GRK5: variants seen among roughly 807,000 people sequenced by gnomAD.
GRK5 encodes the protein G protein-coupled receptor kinase 5, also known as g protein-coupled receptor kinase GRK5.
In GRK5, 40 loss-of-function variants were observed where a neutral mutation model predicts 78.4. The ratio of observed to expected loss-of-function variants is 0.51; its 90% confidence interval spans 0.40 to 0.66. The LOEUF is 0.66. Among genes scored for constraint, GRK5 ranks in the 30% least tolerant of loss-of-function variants. The pLI, the probability that GRK5 is intolerant of heterozygous loss-of-function variation, is 0.00. For missense variants in GRK5, 598 were observed against 759.9 expected (o/e 0.79, Z 2.50); for synonymous variants, 289 against 296.8 (o/e 0.97, Z 0.27).
At chr10:119,442,195 T>G in intron 11 of GRK5, 107 bp downstream of exon 11, 1 of 844,032 alleles carries the variant, frequency 1.2e-6, no homozygotes. Context: ...CTTCATGCAC[T>G]GCTGATCACA....
chr10:119,399,409 C>A (rs1377092702), intron 4 of GRK5, among the ~76,000 whole-genome samples: 1 of 152,218 alleles, frequency 6.6e-6, no homozygotes, highest in Non-Finnish European at 1.5e-5. Context: ...GTGACTGAGG[C>A]CCCAGCACTG....
In GRK5 at chr10:119,407,405, C is replaced by T. The variant is rs552687493; in HGVS notation, c.339+10633C>T. On this transcript the variant is annotated intron_variant, in intron 4 of 15. Coordinates refer to ENST00000392870, the MANE Select transcript of GRK5 (RefSeq NM_005308.3). ...TTTTCCTTCTCCCACTGGGGATGGC[C>T]GGCAGCTGGGTTTCAATTCCTCTGA... 2.0e-4 allele frequency among the ~76,000 whole-genome samples: 31 copies of T among 152,310 alleles called. No individual in the cohort carries two copies. The South Asian group carries it at 5.8e-3, about 29-fold the overall frequency.
At position 119,262,329 on chromosome 10, in the gene GRK5, G is replaced by T. The variant is rs905833691; in HGVS notation, c.52+54360G>T. 9.0e-4 allele frequency among the ~76,000 whole-genome samples: 61 copies of T among 67,548 alleles called. 1 individual carries two copies. Among genetic ancestry groups the T allele is most frequent in the African/African-American group, 3.0e-3 (55 of 18,358 alleles). The allele number at this position is 67,548 out of a possible 152,430, so 44.3% of individuals were successfully genotyped here. On this transcript the variant is annotated intron_variant, in intron 1 of 15. Coordinates refer to ENST00000392870, the MANE Select transcript of GRK5 (RefSeq NM_005308.3). ...TATATATGAATGTTTTTAACTTTGG[G>T]TTTTTTTTTTTTTTTTTTTTTTTTT... is the stretch of plus-strand genomic sequence containing the variant.
At chr10:119,227,031 G>A (rs868814864) in intron 1 of GRK5, among the ~76,000 whole-genome samples, 5 of 151,976 alleles carry the variant, frequency 3.3e-5, no homozygotes, top group Admixed American at 2.6e-4. Context: ...ACTAATTTTT[G>A]TATTTTTAGT....
rs149657541 is a variant in GRK5, at chr10:119,423,198, C to T, written c.372C>T (p.Asp124=). Reference sequence around the variant, plus strand: ...TTTTCATAGCCCAAGTTGGCCAAGACCTGGTCTCCCAGACGGAGGAGAAGC... The same window carrying T: ...TTTTCATAGCCCAAGTTGGCCAAGATCTGGTCTCCCAGACGGAGGAGAAGC... The part of the protein sequence containing the change: ...SPVFIAQVGQ[D]LVSQTEEKLL... Residue 124 remains aspartate, a synonymous_variant, in exon 5 of 16, where the codon GAC becomes GAT. Transcript: ENST00000392870. The T allele has an allele frequency of 5.0e-6, 8 of 1,614,006 alleles. No individual in the cohort carries two copies. The highest frequency in any genetic ancestry group is 6.8e-6 in the Non-Finnish European group (8 of 1,179,966).
At chr10:119,399,510 GTC>G (rs933275014) in intron 4 of GRK5, among the ~76,000 whole-genome samples, 2 of 152,186 alleles carry the variant, frequency 1.3e-5, no homozygotes, top group African/African-American at 4.8e-5. Context: ...TAGCTTGTGT[GTC>G]TCAGCTCTGA....
intron 2 of GRK5, chr10:119,330,301 A>G (rs1850749708): frequency 7.8e-6 from 1 of 128,662 alleles, no homozygotes; most frequent in African/African-American, 2.9e-5. Flanking sequence ...AGCAGATCTG[A>G]TGTCCTCATC....
rs567611101 is a variant in GRK5 at position 119,457,550 on chromosome 10, C to G, written c.*2483C>G. 1 of 152,268 alleles carries G rather than the reference C, an allele frequency of 6.6e-6. No individual in the cohort carries two copies. The highest frequency in any genetic ancestry group is 2.1e-4 in the South Asian group (1 of 4,820). The allele number at this position is 152,268 out of a possible 1,614,324, so 9.4% of individuals were successfully genotyped here. ...CTAAAGCCTCCTGTTCCTTCTGGCT[C>G]ATGCATTGCTTTGTGGTAAGAGAAA... On this transcript the variant is annotated 3_prime_UTR_variant, in exon 16 of 16. Coordinates refer to ENST00000392870, the MANE Select transcript of GRK5 (RefSeq NM_005308.3).
intron 1 of GRK5, among the ~76,000 whole-genome samples, chr10:119,300,368 C>T (rs1473560334): frequency 1.3e-5 from 2 of 152,200 alleles, no homozygotes; most frequent in African/African-American, 4.8e-5. Context: ...AATCTAAGGT[C>T]AACACTGCTA....
chr10:119,398,253 A>C (rs1852090472), intron 4 of GRK5, among the ~76,000 whole-genome samples: 1 of 152,198 alleles, frequency 6.6e-6, no homozygotes, highest in Non-Finnish European at 1.5e-5. Flanking sequence ...TCTCCTGGCC[A>C]CCACTCAAGA....
In GRK5 at chr10:119,308,982, G is replaced by C. The variant is rs567466605; in HGVS notation, c.53-17534G>C. On this transcript the variant is annotated intron_variant, in intron 1 of 15. Coordinates refer to ENST00000392870, the MANE Select transcript of GRK5 (RefSeq NM_005308.3). ...AGATCTTCCCAGGGCCTGTCTGGGA[G>C]CTCCCTCCAGTGAGGAGGCTGGTGC... 2.8e-4 allele frequency among the ~76,000 whole-genome samples: 43 copies of C among 152,346 alleles called. 1 individual carries two copies. Among genetic ancestry groups the C allele is most frequent in the African/African-American group, 1.0e-3 (43 of 41,586 alleles).
intron 13 of GRK5, among the ~76,000 whole-genome samples, chr10:119,451,244 CTT>C (rs1853279123): frequency 6.6e-6 from 1 of 151,728 alleles, no homozygotes; most frequent in African/African-American, 2.4e-5. Flanking sequence ...TCCATTGACT[CTT>C]TTTTTAAAAT....
At chr10:119,433,677 C>T (rs531956788) in intron 8 of GRK5, among the ~76,000 whole-genome samples, 1 of 152,324 alleles carries the variant, frequency 6.6e-6, no homozygotes, top group African/African-American at 2.4e-5. Context: ...AGCCAGTTCC[C>T]AGCCTGGCCC....
At chr10:119,281,769 C>A (rs1849767978) in intron 1 of GRK5, among the ~76,000 whole-genome samples, 1 of 152,210 alleles carries the variant, frequency 6.6e-6, no homozygotes, top group Non-Finnish European at 1.5e-5. Flanking sequence ...TCATCCGATC[C>A]CCCGAGGTGG....
chr10:119,306,429 T>A (rs1850273062), intron 1 of GRK5, among the ~76,000 whole-genome samples: 1 of 152,132 alleles, frequency 6.6e-6, no homozygotes. Flanking sequence ...TGAAACTTGG[T>A]CAGGGGCTCC....
At chr10:119,434,504 A>T (rs1852882555) in intron 8 of GRK5, among the ~76,000 whole-genome samples, 1 of 152,250 alleles carries the variant, frequency 6.6e-6, no homozygotes. Flanking sequence ...GCCCCATGCA[A>T]GTCAGAAATC....
chr10:119,387,299 C>T (rs776392171), intron 3 of GRK5, among the ~76,000 whole-genome samples: 18 of 152,120 alleles, frequency 1.2e-4, no homozygotes, highest in Non-Finnish European at 2.1e-4. Context: ...CCACCGTGCC[C>T]GGCCTTCTGT....
At position 119,424,986 on chromosome 10, in the gene GRK5, G is replaced by A. The variant is rs1852644576; in HGVS notation, c.441-7G>A. ...AAATGTTCATCCTCTTGTTCCATCT[G>A]CACTAGGTCTGTCCACGAGTACCTG... On this transcript the variant is annotated splice_polypyrimidine_tract_variant and splice_region_variant and intron_variant, in intron 5 of 15. Transcript: ENST00000392870. 6.3e-7 allele frequency: 1 copy of A among 1,590,062 alleles called. No homozygotes were observed. The highest frequency in any genetic ancestry group is 1.3e-5 in the African/African-American group (1 of 74,374).
chr10:119,261,193 CG>C (rs1564868026), intron 1 of GRK5, among the ~76,000 whole-genome samples: 1 of 149,398 alleles, frequency 6.7e-6, no homozygotes, highest in African/African-American at 2.5e-5. Flanking sequence ...GGGCGGCTGC[CG>C]GGCGGAGGGT....
Sources: allele counts gnomAD v4.1 joint callset (sites outside exome capture counted in the v4.1 genomes callset), GRCh38; gene constraint gnomAD v4.1.1; transcripts MANE v1.5; gene names NCBI Gene and HGNC (gene_info 2026-07-23, HGNC 2026-07-21).